The following POU6F1 variants were observed in gnomAD, a reference collection of about 807,000 sequenced individuals.
POU6F1 encodes POU domain, class 6, transcription factor 1.
A neutral mutation model predicts 28.9 loss-of-function variants in POU6F1; 9 were observed. That is an observed-to-expected ratio of 0.31 (90% CI 0.19 to 0.54). The LOEUF is 0.54. POU6F1 is among the 20% of genes least tolerant of loss of function. POU6F1 has a pLI of 0.94. For missense variants in POU6F1, 338 were observed against 426.1 expected (o/e 0.79, Z 1.82); for synonymous variants, 173 against 171.1 (o/e 1.01, Z -0.09).
chr12:51,196,422 C>T (rs1942830710), intron 7 of POU6F1, among the ~76,000 whole-genome samples: 1 of 152,218 alleles, frequency 6.6e-6, no homozygotes, highest in Admixed American at 6.5e-5. Flanking sequence ...TGTTCTGCCA[C>T]ATTTTAGCTG....
chr12:51,207,011 G>A (rs1339737601), intron 1 of POU6F1, 128 bp from the exon 2 acceptor site: 4 of 371,426 alleles, frequency 1.1e-5, no homozygotes, highest in African/African-American at 8.7e-5. Context: ...TATCTGTAGA[G>A]GTTAAAAAAA....
At position 51,197,971 on chromosome 12, in the gene POU6F1, TGGTGCGGCAGCTTGTACC is replaced by T. The variant is rs1942952502; in HGVS notation, c.627_644del (p.Ala213_Ala218del). The T allele has an allele frequency of 5.0e-6, 2 of 400,798 alleles. No homozygotes were observed. The highest frequency in any genetic ancestry group is 7.1e-5 in the East Asian group (2 of 28,116). The allele number at this position is 400,798 out of a possible 1,614,324, so 24.8% of individuals were successfully genotyped here. ...GTTGGGCCGTCGAGGAGGCCTGTACTGGTGCGGCAGCTTGTACCGGTGCCGGAAGAGCGGTGTTCAGCA... is the reference window on the plus strand; with the variant it reads ...GTTGGGCCGTCGAGGAGGCCTGTACTGGTGCCGGAAGAGCGGTGTTCAGCA... On this transcript the variant is annotated inframe_deletion, in exon 6 of 11. Transcript: ENST00000333640.
Position 51,217,323 on chromosome 12 carries a change from A to G in POU6F1, c.-48+319T>C, listed in dbSNP as rs1944336532. ...CCAGGGGCAGAAACGGGGAGGGGCC[A>G]GGTCGGGGTTCCCCACCGGGTCCAC... On this transcript the variant is annotated intron_variant, in intron 1 of 10. Coordinates refer to ENST00000333640, the MANE Select transcript of POU6F1 (RefSeq NM_001330422.2). This position sits in a 1 kb window ranked among gnomAD's most constrained non-coding sequence, Gnocchi z 5.3. 1.3e-5 allele frequency among the ~76,000 whole-genome samples: 2 copies of G among 152,074 alleles called. No individual in the cohort carries two copies. The highest frequency in any genetic ancestry group is 4.1e-4 in the South Asian group (2 of 4,834).
rs1942365290 is a variant in POU6F1 at position 51,190,939 on chromosome 12, G to A, written c.1491-347C>T. Reference sequence around the variant, plus strand: ...GAGGAGTCACCTTGGGAGGCCTCCAGTCACACTCCCATAGCAGCATCACTA... The same window carrying A: ...GAGGAGTCACCTTGGGAGGCCTCCAATCACACTCCCATAGCAGCATCACTA... On this transcript the variant is annotated intron_variant, in intron 10 of 10. Transcript: ENST00000333640. This position sits in a 1 kb window ranked among gnomAD's most constrained non-coding sequence, Gnocchi z 4.5. Among the ~76,000 whole-genome samples, 1 of 152,160 alleles carries A rather than the reference G, an allele frequency of 6.6e-6. No homozygotes were observed. The highest frequency in any genetic ancestry group is 2.1e-4 in the South Asian group (1 of 4,832).
At chr12:51,212,628 A>G (rs141056042) in intron 1 of POU6F1, among the ~76,000 whole-genome samples, 207 of 150,680 alleles carry the variant, frequency 1.4e-3, no homozygotes, top group African/African-American at 4.7e-3. Flanking sequence ...TAAAAATACA[A>G]AATTAGCCTG....
intron 1 of POU6F1, among the ~76,000 whole-genome samples, chr12:51,215,923 G>T (rs991733417): frequency 1.3e-5 from 2 of 152,232 alleles, no homozygotes; most frequent in Admixed American, 1.3e-4. Context: ...GGCCTAGCAT[G>T]AAGCAAACAC....
Position 51,190,483 on chromosome 12 carries a change from T to C in POU6F1, c.1600A>G (p.Met534Val). The change falls in exon 11 of 11, where the codon ATG (methionine) becomes GTG (valine). Residue 534 changes from methionine (M) to valine (V), a missense_variant. Coordinates refer to ENST00000333640, the MANE Select transcript of POU6F1 (RefSeq NM_001330422.2). This position sits in a 1 kb window ranked among gnomAD's most constrained non-coding sequence, Gnocchi z 4.5. ...LRNQEGQQNL[M>V]EFVGGEPSKK... ...GAGGGCTCGCCTCCCACAAACTCCA[T>C]CAGGTTCTGCTGGCCTTCCTGGTTC... 2 of 1,614,036 alleles carry C rather than the reference T, an allele frequency of 1.2e-6. No individual in the cohort carries two copies. Among genetic ancestry groups the C allele is most frequent in the Non-Finnish European group, 1.7e-6 (2 of 1,179,994 alleles).
At position 51,190,700 on chromosome 12, in the gene POU6F1, G is replaced by T; in HGVS notation, c.1491-108C>A. On this transcript the variant is annotated intron_variant, in intron 10 of 10. Coordinates refer to ENST00000333640, the MANE Select transcript of POU6F1 (RefSeq NM_001330422.2). This position sits in a 1 kb window ranked among gnomAD's most constrained non-coding sequence, Gnocchi z 4.5. ...TCCTCAAGGGGCCGCTCCTCTAGGG[G>T]CTGGTGAGACTGTACCCAGTGCTCC... The T allele has an allele frequency of 6.7e-7, 1 of 1,491,992 alleles. No homozygotes were observed. Among genetic ancestry groups the T allele is most frequent in the Non-Finnish European group, 8.9e-7 (1 of 1,121,162 alleles). The allele number at this position is 1,491,992 out of a possible 1,614,324, so 92.4% of individuals were successfully genotyped here.
chr12:51,193,814 G>A (rs1429665823), intron 8 of POU6F1, among the ~76,000 whole-genome samples: 1 of 152,104 alleles, frequency 6.6e-6, no homozygotes, highest in Non-Finnish European at 1.5e-5. Context: ...ATAAATATAT[G>A]AAAGTATTTG....
In POU6F1 at chr12:51,198,711, G is replaced by A. The variant is rs1943013132; in HGVS notation, c.431C>T (p.Thr144Ile). 5.0e-6 allele frequency: 2 copies of A among 399,098 alleles called. No individual in the cohort carries two copies. Among genetic ancestry groups the A allele is most frequent in the African/African-American group, 4.1e-5 (2 of 48,628 alleles). 24.7% of individuals were successfully genotyped at this position (399,098 alleles called of 1,614,324 possible). A position where few individuals can be genotyped will look rare whatever the true frequency, so the allele number is the denominator to read the frequency against. ...TGVMVPAGAV[T>I]QPLLIPISIA... Reference sequence around the variant, plus strand: ...ACTGATGGGGATAAGAAGAGGTTGAGTAACTGCCCCTGCTGGAACCATAAC... The same window carrying A: ...ACTGATGGGGATAAGAAGAGGTTGAATAACTGCCCCTGCTGGAACCATAAC... The change falls in exon 5 of 11, where the codon ACT becomes ATT. Residue 144 changes from threonine (T) to isoleucine (I), a missense_variant. Transcript: ENST00000333640.
At position 51,190,740 on chromosome 12, in the gene POU6F1, C is replaced by G. The variant is rs1942350215; in HGVS notation, c.1491-148G>C. On this transcript the variant is annotated intron_variant, in intron 10 of 10. Transcript: ENST00000333640. The surrounding 1 kb of genome is among the most constrained non-coding windows in gnomAD (Gnocchi z 4.5). The stretch of plus-strand genomic sequence containing the variant: ...CCCAGTGCTCCCCTCACCACCTCCA[C>G]CAAGACCCCTCTAGTTTGGCCAAGC... The G allele has an allele frequency of 1.6e-5, 21 of 1,274,246 alleles. No individual in the cohort carries two copies. The highest frequency in any genetic ancestry group is 2.2e-5 in the Non-Finnish European group (21 of 947,614). 78.9% of individuals were successfully genotyped at this position (1,274,246 alleles called of 1,614,324 possible).
In POU6F1 at chr12:51,192,403, G is replaced by A. The variant is rs145166430; in HGVS notation, c.1248C>T (p.Ala416=). 201 of 1,614,160 alleles carry A rather than the reference G, an allele frequency of 1.2e-4. No homozygotes were observed. The African/African-American group carries it at 1.6e-3, about 13-fold the overall frequency. ...TAGGAGCAGAGGCAGATGGCTTGGC[G>A]GCTGGAGCTGGGCTGGCAATGACCA... is the stretch of plus-strand genomic sequence containing the variant. The part of the protein sequence containing the change: ...PAVVIASPAP[A]AKPSASAPIP... The change falls in exon 9 of 11, where the codon GCC becomes GCT. Residue 416 remains alanine, a synonymous_variant. Coordinates refer to ENST00000333640, the MANE Select transcript of POU6F1 (RefSeq NM_001330422.2).
intron 2 of POU6F1, among the ~76,000 whole-genome samples, chr12:51,205,662 G>A (rs183760313): frequency 1.7e-4 from 26 of 152,276 alleles, no homozygotes; most frequent in Admixed American, 2.6e-4. Context: ...GGATCCAGTC[G>A]GAGGCTGTGC....
In POU6F1 at chr12:51,187,195, T is replaced by C. The variant is rs1942079159; in HGVS notation, c.*3052A>G. 1 of 152,218 alleles carries C rather than the reference T, an allele frequency of 6.6e-6. No homozygotes were observed. The highest frequency in any genetic ancestry group is 2.4e-5 in the African/African-American group (1 of 41,456). The allele number at this position is 152,218 out of a possible 1,614,324, so 9.4% of individuals were successfully genotyped here. On this transcript the variant is annotated 3_prime_UTR_variant, in exon 11 of 11. Transcript: ENST00000333640. ...TCCTTAGTCCATTTGGCTGAGTTCTTTCCCTGGACTTCACCTGGATAAAAT... is the reference window on the plus strand; with the variant it reads ...TCCTTAGTCCATTTGGCTGAGTTCTCTCCCTGGACTTCACCTGGATAAAAT...
At chr12:51,208,905 C>T (rs1338149665) in intron 1 of POU6F1, among the ~76,000 whole-genome samples, 1 of 152,144 alleles carries the variant, frequency 6.6e-6, no homozygotes, top group African/African-American at 2.4e-5. Flanking sequence ...CCACTGCACT[C>T]CAGCCTGGGC....
chr12:51,217,494 C>A lies in POU6F1; in HGVS notation c.-48+148G>T. 6.5e-6 allele frequency: 1 copy of A among 152,936 alleles called. No individual in the cohort carries two copies. Among genetic ancestry groups the A allele is most frequent in the South Asian group, 1.8e-4 (1 of 5,654 alleles). The allele number at this position is 152,936 out of a possible 1,614,324, so 9.5% of individuals were successfully genotyped here. ...CGCCCCGGCCCAGCATCCCGCCGCC[C>A]CGGCCCCGCGGCTTTTTTTCTCTTT... On this transcript the variant is annotated intron_variant, in intron 1 of 10. Transcript: ENST00000333640. This position sits in a 1 kb window ranked among gnomAD's most constrained non-coding sequence, Gnocchi z 5.3.
At chr12:51,208,926 C>T (rs1943808920) in intron 1 of POU6F1, among the ~76,000 whole-genome samples, 1 of 152,038 alleles carries the variant, frequency 6.6e-6, no homozygotes, top group African/African-American at 2.4e-5. Context: ...AACAGAGAGA[C>T]CCCAGTGTGA....
rs1417171753 is a variant in POU6F1, at chr12:51,201,899, A to T, written c.245-2031T>A. ...TTCTGAGACAAGGTCTCACTCTATC[A>T]CCCAGGCTGGAGTGCAGTGGCGCAA... On this transcript the variant is annotated intron_variant, in intron 3 of 10. Transcript: ENST00000333640. 3.4e-5 allele frequency: 5 copies of T among 148,584 alleles called. No individual in the cohort carries two copies. In the Admixed American group the frequency reaches 3.4e-4, roughly 10 times the overall value. The allele number at this position is 148,584 out of a possible 1,614,324, so 9.2% of individuals were successfully genotyped here.
intron 3 of POU6F1, among the ~76,000 whole-genome samples, chr12:51,201,184 T>C (rs1943181553): frequency 1.3e-5 from 2 of 152,178 alleles, no homozygotes; most frequent in South Asian, 2.1e-4. Context: ...AACCCTGCAG[T>C]ACTAGTCCAT....
Sources: gnomAD v4.1 joint callset for allele counts (sites outside exome capture counted in the v4.1 genomes callset) on GRCh38, gnomAD v4.1.1 for gene constraint, Gnocchi (gnomAD v3.1) non-coding constraint, MANE v1.5 for transcripts, NCBI Gene and HGNC (gene_info 2026-07-23, HGNC 2026-07-21) for gene names.